Variants in BICC1 observed in about 807,000 individuals in gnomAD.
BICC1 encodes the protein protein bicaudal C homolog 1.
In BICC1, 43 loss-of-function variants were observed where a neutral mutation model predicts 111.0. The ratio of observed to expected loss-of-function variants is 0.39; its 90% CI spans 0.30 to 0.50. BICC1 has a LOEUF of 0.50. Ranked by LOEUF, BICC1 falls within the 20% of genes least tolerant of loss-of-function variation. The pLI, the probability that BICC1 is intolerant of heterozygous loss-of-function variation, is 0.88. For synonymous variants in BICC1, 467 were observed against 434.4 expected, an observed-to-expected ratio of 1.07 and a Z score of -0.93; for missense variants, 1,091 against 1,203.2, an observed-to-expected ratio of 0.91 and a Z score of 1.38.
intron 3 of BICC1, among the ~76,000 whole-genome samples, chr10:58,722,358 A>AT (rs533969240): frequency 1.3e-5 from 2 of 151,882 alleles, no homozygotes; most frequent in African/African-American, 4.8e-5. Flanking sequence ...GTGTTTATTG[A>AT]TTTTTTTTCT....
chr10:58,705,176 G>A (rs1269848377), intron 3 of BICC1, among the ~76,000 whole-genome samples: 3 of 152,152 alleles, frequency 2.0e-5, no homozygotes, highest in South Asian at 2.1e-4. Context: ...ACTGGGAGCT[G>A]CTATATTTAA....
chr10:58,556,215 G>C (rs955971972), intron 1 of BICC1, among the ~76,000 whole-genome samples: 1 of 152,082 alleles, frequency 6.6e-6, no homozygotes, highest in Non-Finnish European at 1.5e-5. Context: ...TGGCATGGAT[G>C]TATGCATACA....
chr10:58,747,102 T>A lies in BICC1; in HGVS notation c.308-37899T>A, dbSNP rs1291013631. On this transcript the variant is annotated intron_variant, in intron 3 of 20. Coordinates refer to ENST00000373886, the MANE Select transcript of BICC1 (RefSeq NM_001080512.3). ...TCAGCCAGGTCTGTCTTTCCATGGCTGTTATTACAAAGGAAGTATTCTTTT... is the reference window on the plus strand; with the variant it reads ...TCAGCCAGGTCTGTCTTTCCATGGCAGTTATTACAAAGGAAGTATTCTTTT... 3.3e-5 allele frequency among the ~76,000 whole-genome samples: 5 copies of A among 152,180 alleles called. No individual in the cohort carries two copies. The East Asian group carries it at 9.6e-4, about 29-fold the overall frequency.
intron 2 of BICC1, among the ~76,000 whole-genome samples, chr10:58,643,832 C>T (rs1838190209): frequency 6.6e-6 from 1 of 152,164 alleles, no homozygotes; most frequent in South Asian, 2.1e-4. Flanking sequence ...AGATCACAGG[C>T]TTTATTGCTA....
chr10:58,569,280 C>T (rs1299640089), intron 1 of BICC1, among the ~76,000 whole-genome samples: 2 of 152,158 alleles, frequency 1.3e-5, no homozygotes, highest in Non-Finnish European at 2.9e-5. Flanking sequence ...GTTCTTCAAT[C>T]TCAAACCTCT....
intron 1 of BICC1, among the ~76,000 whole-genome samples, chr10:58,523,372 A>G (rs1415029029): frequency 6.6e-6 from 1 of 152,262 alleles, no homozygotes; most frequent in Admixed American, 6.5e-5. Context: ...AGTTGGCTTC[A>G]TCCCTGGGAT....
At chr10:58,524,700 A>C (rs1842483282) in intron 1 of BICC1, among the ~76,000 whole-genome samples, 1 of 151,804 alleles carries the variant, frequency 6.6e-6, no homozygotes, top group Non-Finnish European at 1.5e-5. Flanking sequence ...CAAAAGCCAA[A>C]ATTGACAAAT....
chr10:58,690,575 C>A (rs975555792), intron 2 of BICC1, among the ~76,000 whole-genome samples: 1 of 152,176 alleles, frequency 6.6e-6, no homozygotes, highest in Non-Finnish European at 1.5e-5. Flanking sequence ...TGAATACATA[C>A]CTCCTTTCAA....
chr10:58,523,098 G>T (rs1438980076), intron 1 of BICC1, among the ~76,000 whole-genome samples: 2 of 152,294 alleles, frequency 1.3e-5, no homozygotes, highest in Non-Finnish European at 2.9e-5. Flanking sequence ...GAACCAGATA[G>T]ATTCACAGCT....
At position 58,807,080 on chromosome 10, in the gene BICC1, C is replaced by A; in HGVS notation, c.2298C>A (p.Ser766=). The change falls in exon 17 of 21, where the codon TCC becomes TCA. Residue 766 remains serine, a synonymous_variant. Coordinates refer to ENST00000373886, the MANE Select transcript of BICC1 (RefSeq NM_001080512.3). The part of the protein sequence containing the change: ...NTWSGLGFSK[S]MPAETIKELR... ...GGAGTGGCCTGGGTTTTTCTAAATCCATGCCAGCTGAAACTATCAAGGAGT... is the reference window on the plus strand; with the variant it reads ...GGAGTGGCCTGGGTTTTTCTAAATCAATGCCAGCTGAAACTATCAAGGAGT... 1.2e-6 allele frequency: 2 copies of A among 1,613,868 alleles called. No homozygotes were observed. The highest frequency in any genetic ancestry group is 1.7e-6 in the Non-Finnish European group (2 of 1,179,866).
At chr10:58,616,518 A>G (rs1029953774) in intron 1 of BICC1, among the ~76,000 whole-genome samples, 8 of 152,074 alleles carry the variant, frequency 5.3e-5, no homozygotes, top group African/African-American at 1.4e-4. Flanking sequence ...CTGTATGATG[A>G]GGGAACTGGC....
chr10:58,521,768 GTTTTTTTTTTTTTTT>G (rs573116230), intron 1 of BICC1, among the ~76,000 whole-genome samples: 9 of 112,806 alleles, frequency 8.0e-5, no homozygotes, highest in South Asian at 2.6e-4. Flanking sequence ...GGAATGTGGT[GTTTTTTTTTTTTTTT>G]TTTTTTTTTT....
chr10:58,795,642 C>T (rs1447651768), intron 9 of BICC1, among the ~76,000 whole-genome samples: 1 of 151,284 alleles, frequency 6.6e-6, no homozygotes, highest in African/African-American at 2.5e-5. Flanking sequence ...ACTGCTTTCT[C>T]AGCCACAATT....
chr10:58,726,512 GCTT>G (rs1392034837), intron 3 of BICC1, among the ~76,000 whole-genome samples: 1 of 152,170 alleles, frequency 6.6e-6, no homozygotes, highest in Non-Finnish European at 1.5e-5. Flanking sequence ...AGTGCTTAGA[GCTT>G]CTAGAATAGG....
chr10:58,757,354 A>G (rs1050426810), intron 3 of BICC1, among the ~76,000 whole-genome samples: 6 of 152,178 alleles, frequency 3.9e-5, no homozygotes, highest in East Asian at 3.9e-4. Context: ...ATTTGACGTT[A>G]TGGTTAAATA....
At chr10:58,684,207 G>A (rs1839634889) in intron 2 of BICC1, among the ~76,000 whole-genome samples, 1 of 152,128 alleles carries the variant, frequency 6.6e-6, no homozygotes, top group Non-Finnish European at 1.5e-5. Flanking sequence ...AACCAGCCTT[G>A]TATCCCAGGG....
At chr10:58,615,848 C>G (rs1407543563) in intron 1 of BICC1, among the ~76,000 whole-genome samples, 2 of 152,136 alleles carry the variant, frequency 1.3e-5, no homozygotes, top group Admixed American at 1.3e-4. Flanking sequence ...AAATCGGTCC[C>G]CCACGAGCAT....
intron 2 of BICC1, among the ~76,000 whole-genome samples, chr10:58,676,239 A>G (rs1589005917): frequency 1.3e-5 from 2 of 152,200 alleles, no homozygotes; most frequent in East Asian, 3.9e-4. Context: ...GTGTTTTTTC[A>G]TACCCTAGTG....
At chr10:58,616,626 G>A (rs927324865) in intron 1 of BICC1, among the ~76,000 whole-genome samples, 3 of 152,198 alleles carry the variant, frequency 2.0e-5, no homozygotes, top group Non-Finnish European at 2.9e-5. Context: ...GCTGGTGCTG[G>A]TAGACACCAG....
Sources: allele counts gnomAD v4.1 joint callset (sites outside exome capture counted in the v4.1 genomes callset), GRCh38; gene constraint gnomAD v4.1.1; transcripts MANE v1.5; gene names NCBI Gene and HGNC (gene_info 2026-07-23, HGNC 2026-07-21).